Variants in SYN2 observed in about 807,000 individuals in gnomAD.
SYN2 encodes synapsin II, also known as synapsin-2.
In SYN2, 19 loss-of-function variants were observed where a neutral mutation model predicts 50.9. The ratio of observed to expected loss-of-function variants is 0.37; its 90% confidence interval spans 0.26 to 0.55. The LOEUF (loss-of-function observed/expected upper bound fraction) is 0.55. Among genes scored for constraint, SYN2 ranks in the 20% least tolerant of loss-of-function variants. SYN2 has a pLI of 0.81. For synonymous variants in SYN2, 255 were observed against 224.9 expected, an observed-to-expected ratio of 1.13 and a Z score of -1.20; for missense variants, 587 against 576.4, an observed-to-expected ratio of 1.02 and a Z score of -0.19.
At position 12,190,093 on chromosome 3, in the gene SYN2, A is replaced by G. The variant is rs184166697; in HGVS notation, c.1614-397A>G. Among the ~76,000 whole-genome samples, 552 of 152,302 alleles carry G rather than the reference A, an allele frequency of 3.6e-3. 5 individuals are homozygous for G. Among genetic ancestry groups the G allele is most frequent in the African/African-American group, 0.013 (523 of 41,562 alleles). ...AAGACAATGCCAGCATCACAGGCCC[A>G]TTGTGACTTCTTTTCATCAGAAAAG... On this transcript the variant is annotated intron_variant, in intron 12 of 12. Coordinates refer to ENST00000621198, the MANE Select transcript of SYN2 (RefSeq NM_133625.6).
intron 1 of SYN2, among the ~76,000 whole-genome samples, chr3:12,137,149 G>A (rs1696913368): frequency 1.3e-5 from 2 of 151,864 alleles, no homozygotes; most frequent in Admixed American, 6.6e-5. Context: ...TCTGGAGGCT[G>A]AGGCAGGAGG....
At chr3:12,011,670 C>T (rs1244758673) in intron 1 of SYN2, among the ~76,000 whole-genome samples, 5 of 152,180 alleles carry the variant, frequency 3.3e-5, no homozygotes, top group African/African-American at 7.2e-5. Context: ...CAAAAGACTT[C>T]GAATTGAGAT....
intron 1 of SYN2, among the ~76,000 whole-genome samples, chr3:12,026,608 T>G (rs1275204041): frequency 1.3e-5 from 2 of 151,660 alleles, no homozygotes; most frequent in Non-Finnish European, 2.9e-5. Flanking sequence ...GGTAGAGGAG[T>G]GAGGCAGAAG....
chr3:12,145,642 C>T, intron 3 of SYN2, 37 bp from the exon 4 acceptor site: 2 of 1,607,010 alleles, frequency 1.2e-6, no homozygotes, highest in Non-Finnish European at 1.7e-6. Context: ...GCCTGAAGTG[C>T]TGGTTAATGG....
At chr3:12,169,539 G>A (rs967633430) in intron 9 of SYN2, among the ~76,000 whole-genome samples, 1 of 152,110 alleles carries the variant, frequency 6.6e-6, no homozygotes, top group Non-Finnish European at 1.5e-5. Context: ...GCCCTGGCAC[G>A]GGTAAAGCTT....
chr3:12,187,236 C>A (rs1421399168), intron 11 of SYN2, 133 bp from the exon 12 acceptor site: 33 of 1,311,286 alleles, frequency 2.5e-5, no homozygotes, highest in Non-Finnish European at 4.0e-6. Context: ...TAGGGCCCTT[C>A]AGAGACTCCA....
Position 12,161,996 on chromosome 3 carries a change from C to T in SYN2, c.838-16C>T. Reference sequence around the variant, plus strand: ...TGTGTCTCCCTTTCCCCCTTTCTGCCCTGCTCTAACATTAGGTCAAAGTGG... The same window carrying T: ...TGTGTCTCCCTTTCCCCCTTTCTGCTCTGCTCTAACATTAGGTCAAAGTGG... On this transcript the variant is annotated splice_polypyrimidine_tract_variant and intron_variant, in intron 6 of 12. Coordinates refer to ENST00000621198, the MANE Select transcript of SYN2 (RefSeq NM_133625.6). 1 of 1,613,774 alleles carries T rather than the reference C, an allele frequency of 6.2e-7. No homozygotes were observed. Among genetic ancestry groups the T allele is most frequent in the Non-Finnish European group, 8.5e-7 (1 of 1,179,796 alleles).
chr3:12,098,189 C>T (rs1391076504), intron 1 of SYN2, among the ~76,000 whole-genome samples: 1 of 152,088 alleles, frequency 6.6e-6, no homozygotes, highest in African/African-American at 2.4e-5. Context: ...AGCTTATTCT[C>T]ATCAGAAACC....
chr3:12,142,169 A>C (rs1697034233), intron 3 of SYN2, among the ~76,000 whole-genome samples, 173 bp downstream of exon 3: 1 of 152,208 alleles, frequency 6.6e-6, no homozygotes, highest in South Asian at 2.1e-4. Flanking sequence ...AGAGAAAGCC[A>C]GCTTCTCGCT....
At chr3:12,190,187 GATTAA>G (rs1448530696) in intron 12 of SYN2, among the ~76,000 whole-genome samples, 2 of 152,202 alleles carry the variant, frequency 1.3e-5, no homozygotes, top group African/African-American at 4.8e-5. Context: ...GGGCATTTCA[GATTAA>G]ATTAAAGAAG....
chr3:12,187,740 T>G (rs1042064341), intron 12 of SYN2, 128 bp downstream of exon 12: 8 of 1,302,248 alleles, frequency 6.1e-6, no homozygotes, highest in African/African-American at 6.0e-5. Context: ...TGGGATTTGG[T>G]TTTTTTTTGT....
At chr3:12,050,514 T>G (rs1694832821) in intron 1 of SYN2, among the ~76,000 whole-genome samples, 1 of 151,240 alleles carries the variant, frequency 6.6e-6, no homozygotes, top group Non-Finnish European at 1.5e-5. Flanking sequence ...CCCAGCTAAT[T>G]TTTGTATTAT....
intron 1 of SYN2, among the ~76,000 whole-genome samples, chr3:12,015,564 A>C (rs1056010901): frequency 1.3e-5 from 2 of 152,222 alleles, no homozygotes; most frequent in African/African-American, 4.8e-5. Flanking sequence ...GGTATATATA[A>C]AATCTTTTTA....
intron 10 of SYN2, among the ~76,000 whole-genome samples, chr3:12,174,037 GC>G (rs1365080580): frequency 1.3e-5 from 2 of 151,764 alleles, no homozygotes; most frequent in Non-Finnish European, 2.9e-5. Context: ...GGCCCCTGAG[GC>G]CCCCCCGCCC....
intron 1 of SYN2, among the ~76,000 whole-genome samples, chr3:12,107,477 G>A (rs989236202): frequency 2.0e-5 from 3 of 152,212 alleles, no homozygotes; most frequent in Admixed American, 6.5e-5. Context: ...GCTTGTCGGT[G>A]TAATAATGTC....
chr3:12,138,714 G>T (rs1371975083), intron 1 of SYN2, among the ~76,000 whole-genome samples: 1 of 152,228 alleles, frequency 6.6e-6, no homozygotes, highest in Non-Finnish European at 1.5e-5. Flanking sequence ...GAAATGCGAG[G>T]TTATTGTTAA....
intron 1 of SYN2, among the ~76,000 whole-genome samples, chr3:12,065,257 G>GT (rs1224526408): frequency 6.6e-6 from 1 of 152,172 alleles, no homozygotes; most frequent in African/African-American, 2.4e-5. Context: ...GACACTGCTG[G>GT]TGGGAATGTA....
intron 1 of SYN2, among the ~76,000 whole-genome samples, chr3:12,091,367 G>A (rs532128056): frequency 6.6e-6 from 1 of 152,206 alleles, no homozygotes; most frequent in East Asian, 1.9e-4. Flanking sequence ...TAAGCTAAAT[G>A]ATAGCTTGTA....
At chr3:12,050,121 G>A (rs988831168) in intron 1 of SYN2, among the ~76,000 whole-genome samples, 4 of 151,776 alleles carry the variant, frequency 2.6e-5, no homozygotes, top group Non-Finnish European at 5.9e-5. Flanking sequence ...GGCTGGTCTC[G>A]AACTCATGAC....
Sources: allele counts gnomAD v4.1 joint callset (sites outside exome capture counted in the v4.1 genomes callset), GRCh38; gene constraint gnomAD v4.1.1; transcripts MANE v1.5; gene names NCBI Gene and HGNC (gene_info 2026-07-23, HGNC 2026-07-21).